ULK1: variants seen among roughly 807,000 people sequenced by gnomAD.
ULK1 encodes serine/threonine-protein kinase ULK1.
In ULK1, 48 loss-of-function variants were observed where a neutral mutation model predicts 117.5. That is an observed-to-expected ratio of 0.41 (90% confidence interval 0.32 to 0.52). ULK1 has a LOEUF of 0.52. ULK1 is among the 20% of genes least tolerant of loss of function. ULK1 has a pLI of 0.29. For missense variants in ULK1, 1,387 were observed against 1,473.4 expected (o/e 0.94, Z 0.96); for synonymous variants, 790 against 637.8 (o/e 1.24, Z -3.60).
chr12:131,920,419 G>A (rs977101689), intron 26 of ULK1: 41 of 410,014 alleles, frequency 1.0e-4, no homozygotes, highest in African/African-American at 4.3e-4. Context: ...TTCAGGCCTC[G>A]TAGTCAGGTG....
chr12:131,909,245 G>A lies in ULK1; in HGVS notation c.666+8G>A, dbSNP rs1463164503. ...GGGAAGGCGCCCTTCCAGGTAACTG[G>A]GCTTGGCCCTGCTCCCCACGCCGCA... is the stretch of plus-strand genomic sequence containing the variant. On this transcript the variant is annotated splice_region_variant and intron_variant, in intron 8 of 27. Coordinates refer to ENST00000321867, the MANE Select transcript of ULK1 (RefSeq NM_003565.4). 1.9e-6 allele frequency: 3 copies of A among 1,580,414 alleles called. No individual in the cohort carries two copies. Among genetic ancestry groups the A allele is most frequent in the Non-Finnish European group, 1.7e-6 (2 of 1,164,258 alleles).
chr12:131,919,690 C>T (rs1890061895), intron 25 of ULK1, 100 bp downstream of exon 25: 2 of 1,391,898 alleles, frequency 1.4e-6, no homozygotes, highest in Admixed American at 1.7e-5. Context: ...CTTGAGTAGG[C>T]CCCTGTGCAG....
rs1321511963 is a variant in ULK1, at chr12:131,909,789, G to A, written c.681G>A (p.Gln227=). Residue 227 remains glutamine, a synonymous_variant, in exon 9 of 28, where the codon CAG becomes CAA. Transcript: ENST00000321867. ...CGTCCCCGCAGGCCAGCAGCCCCCA[G>A]GACCTGCGCCTGTTCTACGAGAAGA... is the stretch of plus-strand genomic sequence containing the variant. ...GKAPFQASSP[Q]DLRLFYEKNK... 1.2e-6 allele frequency: 2 copies of A among 1,609,416 alleles called. No individual in the cohort carries two copies. Among genetic ancestry groups the A allele is most frequent in the Non-Finnish European group, 1.7e-6 (2 of 1,178,560 alleles).
intron 12 of ULK1, 120 bp from the exon 13 acceptor site, chr12:131,911,822 T>G (rs900514058): frequency 7.1e-7 from 1 of 1,411,782 alleles, no homozygotes; most frequent in African/African-American, 1.4e-5. Flanking sequence ...TGCCCAGCCC[T>G]TCTCAGCCCC....
chr12:131,919,734 C>T, intron 25 of ULK1, 144 bp downstream of exon 25: 1 of 1,082,452 alleles, frequency 9.2e-7, no homozygotes, highest in Non-Finnish European at 1.3e-6. Flanking sequence ...GCCCAGTGTG[C>T]AGAGCACAGA....
chr12:131,914,965 G>T, intron 16 of ULK1, 118 bp from the exon 17 acceptor site: 1 of 1,419,978 alleles, frequency 7.0e-7, no homozygotes, highest in East Asian at 2.5e-5. Flanking sequence ...CGTGGCATGG[G>T]GTCCTGGGCT....
At chr12:131,910,474 A>G (rs535591358) in intron 11 of ULK1, among the ~76,000 whole-genome samples, 170 bp downstream of exon 11, 1 of 152,228 alleles carries the variant, frequency 6.6e-6, no homozygotes, top group South Asian at 2.1e-4. Context: ...CGGGGACCCC[A>G]AGGCCAGGGG....
rs574303462 is a variant in ULK1, at chr12:131,921,255, G to C, written c.3097+20G>C. 3.1e-6 allele frequency: 5 copies of C among 1,607,798 alleles called. No individual in the cohort carries two copies. The Admixed American group carries it at 5.0e-5, about 16-fold the overall frequency. On this transcript the variant is annotated intron_variant, in intron 27 of 27. Transcript: ENST00000321867. ...CCAAGTGTGAGTGCCCGGCTGGGCT[G>C]GGGGCTGGGGACTCTGGGCGTCTCC... is the stretch of plus-strand genomic sequence containing the variant.
chr12:131,907,433 G>T, intron 4 of ULK1, 62 bp from the exon 5 acceptor site: 1 of 1,590,020 alleles, frequency 6.3e-7, no homozygotes. Flanking sequence ...GGGAGGCTGG[G>T]CAGGGCTGGG....
At chr12:131,901,403 G>A (rs1222814068) in intron 3 of ULK1, among the ~76,000 whole-genome samples, 5 of 151,978 alleles carry the variant, frequency 3.3e-5, no homozygotes, top group African/African-American at 7.2e-5. Context: ...ACTGGAAAGT[G>A]CAAAACAGAT....
In ULK1 at chr12:131,915,413, C is replaced by T. The variant is rs369296208; in HGVS notation, c.1601C>T (p.Pro534Leu). ...GCTGAGATGCGGGGTGGCAGGTCCC[C>T]TCGTCCAGGTGGGTGCAGTCCGGAG... ...QGAEMRGGRS[P>L]RPGSSAPEHS... The change falls in exon 18 of 28, where the codon CCT becomes CTT. Residue 534 changes from proline to leucine, a missense_variant. Transcript: ENST00000321867. The T allele has an allele frequency of 2.2e-5, 36 of 1,612,478 alleles. No individual in the cohort carries two copies. The highest frequency in any genetic ancestry group is 2.6e-5 in the Non-Finnish European group (31 of 1,179,960).
In ULK1 at chr12:131,922,013, C is replaced by CG. The variant is rs1387998274; in HGVS notation, c.*658dup. 6.6e-6 allele frequency: 3 copies of CG among 454,610 alleles called. No individual in the cohort carries two copies. The highest frequency in any genetic ancestry group is 1.6e-5 in the South Asian group (1 of 64,500). The allele number at this position is 454,610 out of a possible 1,614,324, so 28.2% of individuals were successfully genotyped here. A position where few individuals can be genotyped will look rare whatever the true frequency, so the allele number is the denominator to read the frequency against. Reference sequence around the variant, plus strand: ...TGGACCTCAGCGGGAGAACTGGCTCCGGGGGGAGTGGGGCCCTGCGCTAGA... The same window carrying CG: ...TGGACCTCAGCGGGAGAACTGGCTCCGGGGGGGAGTGGGGCCCTGCGCTAGA... On this transcript the variant is annotated 3_prime_UTR_variant, in exon 28 of 28. Coordinates refer to ENST00000321867, the MANE Select transcript of ULK1 (RefSeq NM_003565.4).
In ULK1 at chr12:131,895,662, C is replaced by T; in HGVS notation, c.173C>T (p.Thr58Met). 1.9e-6 allele frequency: 3 copies of T among 1,614,126 alleles called. No homozygotes were observed. Among genetic ancestry groups the T allele is most frequent in the East Asian group, 2.2e-5 (1 of 44,870 alleles). ...AAGAAGAACCTCGCCAAGTCTCAGA[C>T]GCTGCTGGGGAAGGAAATCAAAATC... ...INKKNLAKSQ[T>M]LLGKEIKILK... The change falls in exon 2 of 28, where the codon ACG becomes ATG. Residue 58 changes from threonine (T) to methionine (M), a missense_variant. By Grantham distance (81) the Thr-to-Met change is moderately conservative. Coordinates refer to ENST00000321867, the MANE Select transcript of ULK1 (RefSeq NM_003565.4).
In ULK1 at chr12:131,903,652, C is replaced by T. The variant is rs1354488771; in HGVS notation, c.247-3240C>T. On this transcript the variant is annotated intron_variant, in intron 3 of 27. Coordinates refer to ENST00000321867, the MANE Select transcript of ULK1 (RefSeq NM_003565.4). The surrounding 1 kb of genome is among the most constrained non-coding windows in gnomAD (Gnocchi z 6.0). ...AATGCCTGTGGTGAGGTGGATGCCC[C>T]CACCCTACCCTGCAGCCCCACCCCC... 1.3e-5 allele frequency among the ~76,000 whole-genome samples: 2 copies of T among 152,154 alleles called. No individual in the cohort carries two copies. Among genetic ancestry groups the T allele is most frequent in the African/African-American group, 4.8e-5 (2 of 41,448 alleles).
At chr12:131,914,179 G>C (rs533924848) in intron 15 of ULK1, among the ~76,000 whole-genome samples, 173 bp from the exon 16 acceptor site, 1 of 152,356 alleles carries the variant, frequency 6.6e-6, no homozygotes, top group African/African-American at 2.4e-5. Flanking sequence ...CACATTTCTG[G>C]TGTGTGTAGA....
chr12:131,919,308 G>T lies in ULK1; in HGVS notation c.2608G>T (p.Ala870Ser). ...AGCCCTGAAGGGCAGCGCCAGTGAG[G>T]CGGCGGGGGGCCCTGAGTACCAGCT... The part of the protein sequence containing the change: ...IAALKGSASE[A>S]AGGPEYQLQE... Residue 870 changes from alanine (A) to serine (S), a missense_variant, in exon 24 of 28, where the codon GCG becomes TCG. Physicochemically the swap from Ala to Ser is moderately conservative, Grantham distance 99 (BLOSUM62 1). Around this residue, in one of 4 missense-constraint regions of ULK1, gnomAD observed 900 missense variants for 858.9 expected, o/e 1.05. Coordinates refer to ENST00000321867, the MANE Select transcript of ULK1 (RefSeq NM_003565.4). 1 of 1,591,462 alleles carries T rather than the reference G, an allele frequency of 6.3e-7. No homozygotes were observed.
In ULK1 at chr12:131,915,905, G is replaced by C. The variant is rs375971375; in HGVS notation, c.1624G>C (p.Glu542Gln). The C allele has an allele frequency of 1.9e-6, 3 of 1,611,170 alleles. No homozygotes were observed. The highest frequency in any genetic ancestry group is 2.2e-5 in the East Asian group (1 of 44,884). Residue 542 changes from glutamate to glutamine, a missense_variant, in exon 19 of 28, where the codon GAG becomes CAG. Coordinates refer to ENST00000321867, the MANE Select transcript of ULK1 (RefSeq NM_003565.4). ...RSPRPGSSAP[E>Q]HSPRTSGLGC... ...TCTCTCTCTAGGCTCCTCTGCACCC[G>C]AGCACTCTCCCCGCACTTCCGGGCT... is the stretch of plus-strand genomic sequence containing the variant.
In ULK1 at chr12:131,902,661, T is replaced by C. The variant is rs1889132747; in HGVS notation, c.247-4231T>C. 6.6e-6 allele frequency among the ~76,000 whole-genome samples: 1 copy of C among 152,098 alleles called. No individual in the cohort carries two copies. The highest frequency in any genetic ancestry group is 1.5e-5 in the Non-Finnish European group (1 of 67,988). The stretch of plus-strand genomic sequence containing the variant: ...CCGTTCCCTGTTTCCTCCCTTTAAA[T>C]AGGCGGCAAGTTGGGACCCACCTCC... On this transcript the variant is annotated intron_variant, in intron 3 of 27. Coordinates refer to ENST00000321867, the MANE Select transcript of ULK1 (RefSeq NM_003565.4). The surrounding 1 kb of genome is among the most constrained non-coding windows in gnomAD (Gnocchi z 6.3).
Position 131,909,180 on chromosome 12 carries a change from C to T in ULK1, c.609C>T (p.Asp203=). ...CCCAGCACTACGACGGGAAGGCGGACCTGTGGAGCATCGGCACCATCGTCT... is the reference window on the plus strand; with the variant it reads ...CCCAGCACTACGACGGGAAGGCGGATCTGTGGAGCATCGGCACCATCGTCT... ...IMSQHYDGKA[D]LWSIGTIVYQ... is the part of the protein sequence containing the mutation. Residue 203 remains aspartate, a synonymous_variant, in exon 8 of 28, where the codon GAC becomes GAT. Transcript: ENST00000321867. 6.2e-7 allele frequency: 1 copy of T among 1,610,358 alleles called. No individual in the cohort carries two copies. Among genetic ancestry groups the T allele is most frequent in the Non-Finnish European group, 8.5e-7 (1 of 1,178,862 alleles).
Sources: allele counts gnomAD v4.1 joint callset (sites outside exome capture counted in the v4.1 genomes callset), GRCh38; gene constraint gnomAD v4.1.1; regional missense constraint gnomAD v4.1.1; non-coding constraint Gnocchi (gnomAD v3.1); transcripts MANE v1.5; gene names NCBI Gene and HGNC (gene_info 2026-07-23, HGNC 2026-07-21).